Variants in HFM1 observed in about 807,000 individuals in gnomAD.
The protein encoded by HFM1 is helicase for meiosis 1.
A neutral mutation model predicts 192.1 loss-of-function variants in HFM1; 169 were observed. The observed-to-expected ratio is 0.88, with a 90% CI of 0.78 to 1.00. HFM1 has a LOEUF of 1.00. Among genes scored for constraint, HFM1 ranks in the 50% least tolerant of loss-of-function variants. The pLI is 0.00. For synonymous variants in HFM1, 525 were observed against 537.8 expected (o/e 0.98, Z 0.33); for missense variants, 1,661 against 1,668.0 (o/e 1.00, Z 0.07).
chr1:91,327,636 T>C (rs61131040), intron 20 of HFM1, among the ~76,000 whole-genome samples: 16 of 152,292 alleles, frequency 1.1e-4, no homozygotes, highest in South Asian at 4.1e-4. Flanking sequence ...ATGGACCTGA[T>C]AGATATTTAC....
At chr1:91,297,102 A>T (rs1647734505) in intron 30 of HFM1, among the ~76,000 whole-genome samples, 1 of 152,164 alleles carries the variant, frequency 6.6e-6, no homozygotes, top group African/African-American at 2.4e-5. Flanking sequence ...CTAATACTGC[A>T]CTTTTCTAAT....
At chr1:91,378,292 C>A (rs1661151358) in intron 10 of HFM1, 109 bp from the exon 11 acceptor site, 1 of 1,234,130 alleles carries the variant, frequency 8.1e-7, no homozygotes, top group Non-Finnish European at 1.1e-6. Context: ...TGAGCATTTT[C>A]CACTTGAAGG....
At chr1:91,365,025 C>T (rs1460500394) in intron 13 of HFM1, among the ~76,000 whole-genome samples, 1 of 152,070 alleles carries the variant, frequency 6.6e-6, no homozygotes, top group Non-Finnish European at 1.5e-5. Context: ...GAATGAGATT[C>T]TGCGACTTGC....
At chr1:91,322,843 C>T in intron 23 of HFM1, 107 bp downstream of exon 23, 1 of 514,804 alleles carries the variant, frequency 1.9e-6, no homozygotes, top group South Asian at 4.2e-5. Flanking sequence ...ATTTCACATC[C>T]ACATTCTGAC....
rs750585761 is a variant in HFM1, at chr1:91,359,442, G to A, written c.1686-6143C>T. Among the ~76,000 whole-genome samples the A allele has an allele frequency of 5.9e-5, 9 of 151,734 alleles. No individual in the cohort carries two copies. In the South Asian group the frequency reaches 6.2e-4, roughly 11 times the overall value. On this transcript the variant is annotated intron_variant, in intron 13 of 38. Transcript: ENST00000370425. ...CTGATGGAGGTGAGAAACACAACAC[G>A]AGAACTTCACAATGCAATCGCAAGT...
chr1:91,371,840 T>C (rs1660253696), intron 13 of HFM1, among the ~76,000 whole-genome samples: 1 of 152,224 alleles, frequency 6.6e-6, no homozygotes, highest in African/African-American at 2.4e-5. Context: ...TCTACTCATC[T>C]GACAAAGGGC....
At chr1:91,364,632 A>ATATATATATATATATT (rs753472335) in intron 13 of HFM1, among the ~76,000 whole-genome samples, 1 of 66,816 alleles carries the variant, frequency 1.5e-5, no homozygotes, top group African/African-American at 6.4e-5. Context: ...ATATATATAT[A>ATATATATATATATATT]TTTTTTTTTT....
In HFM1 at chr1:91,329,307, T is replaced by G. The variant is rs1026565908; in HGVS notation, c.2336-4541A>C. 2.9e-5 allele frequency: 47 copies of G among 1,608,002 alleles called. No homozygotes were observed. The African/African-American group carries it at 6.0e-4, about 21-fold the overall frequency. ...TGAAGAAGAGCTGGTCAAGTTCGTG[T>G]GTGGTGAAAAGCAGTTCTCTGAGGA... is the stretch of plus-strand genomic sequence containing the variant. On this transcript the variant is annotated intron_variant, in intron 20 of 38. Transcript: ENST00000370425.
At position 91,315,886 on chromosome 1, in the gene HFM1, T is replaced by C. The variant is rs758234047; in HGVS notation, c.3069A>G (p.Ala1023=). 11 of 1,610,248 alleles carry C rather than the reference T, an allele frequency of 6.8e-6. No individual in the cohort carries two copies. Among genetic ancestry groups the C allele is most frequent in the African/African-American group, 1.3e-5 (1 of 74,828 alleles). The part of the protein sequence containing the change: ...NFEQLQTKRT[A]SDSHYVTLII... ...TTAAGGTAACATAGTGAGAATCCGA[T>C]GCTGTTCTTTTAGTTTGTAGCTGTT... is the stretch of plus-strand genomic sequence containing the variant. Residue 1023 remains alanine (A), a synonymous_variant, in exon 28 of 39, where the codon GCA becomes GCG. Transcript: ENST00000370425.
At chr1:91,282,145 T>C (rs1278404200) in intron 30 of HFM1, among the ~76,000 whole-genome samples, 1 of 152,228 alleles carries the variant, frequency 6.6e-6, no homozygotes, top group Non-Finnish European at 1.5e-5. Context: ...TCTTCTGATT[T>C]GTTTGTTCTT....
intron 30 of HFM1, among the ~76,000 whole-genome samples, chr1:91,312,984 C>T (rs1194229443): frequency 6.6e-6 from 1 of 152,116 alleles, no homozygotes; most frequent in East Asian, 1.9e-4. Context: ...CTCGCCACCA[C>T]CATGCAAGAT....
At chr1:91,310,082 C>G (rs954202914) in intron 30 of HFM1, among the ~76,000 whole-genome samples, 1 of 151,804 alleles carries the variant, frequency 6.6e-6, no homozygotes, top group African/African-American at 2.4e-5. Flanking sequence ...AGGAGTTAAT[C>G]TGGTATATCT....
At chr1:91,407,005 G>A (rs117371964), upstream of HFM1, among the ~76,000 whole-genome samples, 1,519 of 152,222 alleles carry the variant, frequency 1.0e-2, 19 homozygotes, top group East Asian at 0.062. Flanking sequence ...ACTAGAAGGC[G>A]CGCTTTCTTT....
Position 91,286,250 on chromosome 1 carries a change from G to A in HFM1, c.3392-9188C>T, listed in dbSNP as rs867321431. On this transcript the variant is annotated intron_variant, in intron 30 of 38. Transcript: ENST00000370425. ...CAGATTAGTATATTAGTTTTCTAGGGTGGCTATAACAAAGTACCACACACT... is the reference window on the plus strand; with the variant it reads ...CAGATTAGTATATTAGTTTTCTAGGATGGCTATAACAAAGTACCACACACT... Among the ~76,000 whole-genome samples the A allele has an allele frequency of 5.3e-5, 8 of 152,210 alleles. No homozygotes were observed. The South Asian group carries it at 8.3e-4, about 16-fold the overall frequency.
intron 33 of HFM1, among the ~76,000 whole-genome samples, chr1:91,274,233 T>G (rs909083387): frequency 6.6e-6 from 1 of 151,912 alleles, no homozygotes; most frequent in African/African-American, 2.4e-5. Context: ...ACTAGGAATA[T>G]GAACTTCAGT....
intron 19 of HFM1, among the ~76,000 whole-genome samples, chr1:91,346,081 T>C (rs534512215): frequency 6.6e-6 from 1 of 152,196 alleles, no homozygotes; most frequent in South Asian, 2.1e-4. Flanking sequence ...TACAGGAGTG[T>C]CAGCTGTGAA....
chr1:91,280,959 G>A (rs138490355), intron 30 of HFM1, among the ~76,000 whole-genome samples: 3 of 152,324 alleles, frequency 2.0e-5, no homozygotes, highest in Non-Finnish European at 4.4e-5. Context: ...GGTTGACCAT[G>A]TGACCATATA....
intron 20 of HFM1, among the ~76,000 whole-genome samples, chr1:91,339,823 G>C (rs558399652): frequency 1.8e-3 from 268 of 152,058 alleles, no homozygotes; most frequent in Non-Finnish European, 3.1e-3. Flanking sequence ...ATACTATATA[G>C]AACAGCCATC....
rs148010954 is a variant in HFM1 at position 91,310,761 on chromosome 1, G to A, written c.3391+2588C>T. Among the ~76,000 whole-genome samples, 788 of 152,248 alleles carry A rather than the reference G, an allele frequency of 5.2e-3. 6 individuals carry two copies. The highest frequency in any genetic ancestry group is 0.031 in the Middle Eastern group (9 of 294). ...GCTTCTTCCTCATTTTTCTCTTGCC[G>A]CCGCCATGTAAGAAGTGCCTTTTAA... On this transcript the variant is annotated intron_variant, in intron 30 of 38. Transcript: ENST00000370425.
Sources: gnomAD v4.1 joint callset for allele counts (sites outside exome capture counted in the v4.1 genomes callset) on GRCh38, gnomAD v4.1.1 for gene constraint, MANE v1.5 for transcripts, NCBI Gene and HGNC (gene_info 2026-07-23, HGNC 2026-07-21) for gene names.